The following SHQ1 variants were observed in gnomAD, a reference collection of about 807,000 sequenced individuals.
SHQ1 encodes the protein protein SHQ1 homolog.
Under a neutral mutation model 53.8 loss-of-function variants are expected in SHQ1, and 49 were observed. The ratio of observed to expected loss-of-function variants is 0.91; its 90% CI spans 0.72 to 1.16. The LOEUF (loss-of-function observed/expected upper bound fraction) is 1.16, where lower values mean the gene tolerates loss of function less well. Among genes scored for constraint, SHQ1 ranks in the 50% most tolerant of loss-of-function variants. The pLI, the probability that SHQ1 is intolerant of heterozygous loss-of-function variation, is 0.00. For synonymous variants in SHQ1, 243 were observed against 251.0 expected, an observed-to-expected ratio of 0.97 and a Z score of 0.30; for missense variants, 738 against 683.1, an observed-to-expected ratio of 1.08 and a Z score of -0.90.
rs193080822 is a variant in SHQ1, at chr3:72,830,378, C to T, written c.599+1991G>A. ...GGTAATATTATGCTAATCTTATATA[C>T]ATTATTATGCTAATATTATATACAT... On this transcript the variant is annotated intron_variant, in intron 5 of 10. Transcript: ENST00000325599. 1.2e-3 allele frequency among the ~76,000 whole-genome samples: 185 copies of T among 150,558 alleles called. 1 individual carries two copies. Among genetic ancestry groups the T allele is most frequent in the Non-Finnish European group, 2.4e-3 (161 of 67,920 alleles).
intron 10 of SHQ1, among the ~76,000 whole-genome samples, chr3:72,782,779 T>C (rs1163985937): frequency 6.6e-6 from 1 of 152,232 alleles, no homozygotes; most frequent in Non-Finnish European, 1.5e-5. Context: ...ATTGAAAGAA[T>C]GCTCTTGACA....
At chr3:72,742,002 A>G in the SHQ1 span, among the ~76,000 whole-genome samples, 2 of 152,196 alleles carry the variant, frequency 1.3e-5, no homozygotes, top group East Asian at 3.9e-4. Flanking sequence ...GGATTTTGGT[A>G]TCTGAGGAAG....
At chr3:72,796,621 G>A (rs1706631941) in intron 9 of SHQ1, among the ~76,000 whole-genome samples, 1 of 151,972 alleles carries the variant, frequency 6.6e-6, no homozygotes, top group Non-Finnish European at 1.5e-5. Context: ...AGGAGTCCGA[G>A]ACCAGCCTGG....
the SHQ1 span, among the ~76,000 whole-genome samples, chr3:72,726,467 C>T: frequency 6.6e-6 from 1 of 152,162 alleles, no homozygotes; most frequent in Non-Finnish European, 1.5e-5. Context: ...ATTCTCCTGC[C>T]TCAGCCTCTG....
intron 6 of SHQ1, among the ~76,000 whole-genome samples, chr3:72,821,845 C>T (rs929166253): frequency 1.3e-5 from 2 of 152,200 alleles, no homozygotes; most frequent in African/African-American, 4.8e-5. Flanking sequence ...CAACACACTT[C>T]AATTTATTCC....
intron 5 of SHQ1, among the ~76,000 whole-genome samples, chr3:72,825,443 T>C (rs1707622544): frequency 6.6e-6 from 1 of 151,908 alleles, no homozygotes; most frequent in Non-Finnish European, 1.5e-5. Context: ...AGATAAAATC[T>C]ATTTTATTAA....
rs1708329209 is a variant in SHQ1 at position 72,846,365 on chromosome 3, G to C, written c.143+1833C>G. ...GCTGGAGTGCGATAGCGCAATCTTG[G>C]CTCACTGCAACCTTCGCCCCCCAGG... On this transcript the variant is annotated intron_variant, in intron 1 of 10. Coordinates refer to ENST00000325599, the MANE Select transcript of SHQ1 (RefSeq NM_018130.3). 2.7e-6 allele frequency: 4 copies of C among 1,473,756 alleles called. No individual in the cohort carries two copies. The Admixed American group carries it at 8.9e-5, about 33-fold the overall frequency. 91.3% of individuals were successfully genotyped at this position (1,473,756 alleles called of 1,614,324 possible). A position where few individuals can be genotyped will look rare whatever the true frequency, so the allele number is the denominator to read the frequency against.
At chr3:72,744,948 C>T (rs1399193548), downstream of SHQ1, among the ~76,000 whole-genome samples, 5 of 147,106 alleles carry the variant, frequency 3.4e-5, no homozygotes, top group East Asian at 4.1e-4. Context: ...GTTTCTGCAT[C>T]TTTAAGGATT....
chr3:72,732,384 GCCTGCCTTCCTTCCTT>G, the SHQ1 span, among the ~76,000 whole-genome samples: 43 of 87,058 alleles, frequency 4.9e-4, no homozygotes, highest in African/African-American at 2.1e-3. Context: ...CTGCCTGCCT[GCCTGCCTTCCTTCCTT>G]CCTTCCTTCC....
intron 10 of SHQ1, among the ~76,000 whole-genome samples, chr3:72,770,937 G>C (rs1238175715): frequency 1.3e-5 from 2 of 152,348 alleles, no homozygotes; most frequent in East Asian, 3.9e-4. Context: ...CCTGTGCAAA[G>C]ATTGTGTCTG....
At chr3:72,747,636 C>T (rs1705278513), downstream of SHQ1, among the ~76,000 whole-genome samples, 1 of 152,164 alleles carries the variant, frequency 6.6e-6, no homozygotes, top group African/African-American at 2.4e-5. Flanking sequence ...GAGAGCTGCA[C>T]AGAGAACGCT....
rs769254760 is a variant in SHQ1 at position 72,847,002 on chromosome 3, A to G, written c.143+1196T>C. ...CTTTATAAAACATGGGCCCTTTTTCATTCTCTATTAGTGCACTTCTTTCTC... is the reference window on the plus strand; with the variant it reads ...CTTTATAAAACATGGGCCCTTTTTCGTTCTCTATTAGTGCACTTCTTTCTC... On this transcript the variant is annotated intron_variant, in intron 1 of 10. Transcript: ENST00000325599. 8.1e-4 allele frequency among the ~76,000 whole-genome samples: 123 copies of G among 152,200 alleles called. 1 individual carries two copies. Among genetic ancestry groups the G allele is most frequent in the Non-Finnish European group, 1.2e-3 (82 of 68,008 alleles).
intron 1 of SHQ1, 136 bp from the exon 2 acceptor site, chr3:72,844,559 T>C (rs1413867816): frequency 5.4e-6 from 4 of 745,096 alleles, no homozygotes; most frequent in Non-Finnish European, 9.6e-6. Flanking sequence ...CTTTCACATT[T>C]TAATAAACTA....
intron 6 of SHQ1, among the ~76,000 whole-genome samples, chr3:72,818,932 T>C (rs1305390405): frequency 6.6e-6 from 1 of 152,066 alleles, no homozygotes; most frequent in Non-Finnish European, 1.5e-5. Flanking sequence ...CTGCCAACAA[T>C]CATGTGAGAT....
chr3:72,840,592 G>A (rs1307534926), intron 4 of SHQ1, among the ~76,000 whole-genome samples: 1 of 151,352 alleles, frequency 6.6e-6, no homozygotes, highest in Non-Finnish European at 1.5e-5. Context: ...ATAGAAAATG[G>A]TGCCTACTAT....
At chr3:72,805,155 A>G (rs1706900548) in intron 9 of SHQ1, among the ~76,000 whole-genome samples, 1 of 152,158 alleles carries the variant, frequency 6.6e-6, no homozygotes, top group African/African-American at 2.4e-5. Context: ...TTTCTGATTA[A>G]AAGAAAAACA....
In SHQ1 at chr3:72,815,337, C is replaced by T. The variant is rs774121702; in HGVS notation, c.936+13G>A. 6.2e-7 allele frequency: 1 copy of T among 1,610,096 alleles called. No individual in the cohort carries two copies. The highest frequency in any genetic ancestry group is 1.1e-5 in the South Asian group (1 of 90,924). On this transcript the variant is annotated intron_variant, in intron 8 of 10. Coordinates refer to ENST00000325599, the MANE Select transcript of SHQ1 (RefSeq NM_018130.3). ...AACAACAAATTCTAAACAATTGCAA[C>T]TGGAAATCATACCTCAAACCAGCAT...
intron 7 of SHQ1, among the ~76,000 whole-genome samples, chr3:72,815,993 A>G (rs1433260863): frequency 6.6e-6 from 1 of 152,198 alleles, no homozygotes; most frequent in Non-Finnish European, 1.5e-5. Flanking sequence ...TTTTTTGGTC[A>G]AAGAAAACAT....
intron 1 of SHQ1, chr3:72,846,167 TA>T (rs1192709333): frequency 3.3e-6 from 5 of 1,506,398 alleles, no homozygotes; most frequent in Non-Finnish European, 4.5e-6. Context: ...CTAAACTCTA[TA>T]AGCCTAGAGT....
Sources: gnomAD v4.1 joint callset for allele counts (sites outside exome capture counted in the v4.1 genomes callset) on GRCh38, gnomAD v4.1.1 for gene constraint, MANE v1.5 for transcripts, NCBI Gene and HGNC (gene_info 2026-07-23, HGNC 2026-07-21) for gene names.